The following PELO variants were observed in gnomAD, a reference collection of about 807,000 sequenced individuals.
PELO encodes the protein pelota mRNA surveillance and ribosome rescue factor.
A neutral mutation model predicts 25.9 loss-of-function variants in PELO; 19 were observed. That is an observed-to-expected ratio of 0.73 (90% CI 0.51 to 1.08). PELO has a LOEUF of 1.08. Ranked by LOEUF, PELO falls within the 50% of genes least tolerant of loss-of-function variation. The probability of loss-of-function intolerance (pLI) is 0.00; values close to 1 mark genes in which losing one functional copy is unlikely to be tolerated. For missense variants in PELO, 498 were observed against 491.4 expected (o/e 1.01, Z -0.13); for synonymous variants, 196 against 192.2 (o/e 1.02, Z -0.16).
chr5:52,800,449 G>A lies in PELO; in HGVS notation c.55G>A (p.Val19Ile). The A allele has an allele frequency of 6.2e-7, 1 of 1,614,046 alleles. No individual in the cohort carries two copies. The highest frequency in any genetic ancestry group is 8.5e-7 in the Non-Finnish European group (1 of 1,180,020). ...GGACAATGCGGGCCAGGTGACCCTG[G>A]TCCCCGAGGAGCCTGAGGACATGTG... ...EKDNAGQVTL[V>I]PEEPEDMWHT... The change falls in exon 2 of 3, where the codon GTC (valine) becomes ATC (isoleucine). Residue 19 changes from valine to isoleucine, a missense_variant. Coordinates refer to ENST00000274311, the MANE Select transcript of PELO (RefSeq NM_015946.5).
At position 52,801,475 on chromosome 5, in the gene PELO, C is replaced by T. The variant is rs1224394979; in HGVS notation, c.793C>T (p.Arg265Cys). 1.2e-6 allele frequency: 2 copies of T among 1,613,914 alleles called. No individual in the cohort carries two copies. Among genetic ancestry groups the T allele is most frequent in the Non-Finnish European group, 1.7e-6 (2 of 1,179,906 alleles). The change falls in exon 3 of 3, where the codon CGC (arginine) becomes TGC (cysteine). Residue 265 changes from arginine to cysteine, a missense_variant. By Grantham distance (180) the Arg-to-Cys change is radical. Coordinates refer to ENST00000274311, the MANE Select transcript of PELO (RefSeq NM_015946.5). ...EALCDPTVASRLSDTKAAGEV... is the reference protein window; with the variant it reads ...EALCDPTVASCLSDTKAAGEV... ...CCTTTGTGACCCTACTGTGGCTAGC[C>T]GCCTTTCAGACACTAAAGCTGCTGG...
In PELO at chr5:52,802,859, T is replaced by A. The variant is rs1454401424; in HGVS notation, c.*1019T>A. The A allele has an allele frequency of 6.6e-6, 1 of 152,216 alleles. No individual in the cohort carries two copies. The highest frequency in any genetic ancestry group is 2.4e-5 in the African/African-American group (1 of 41,460). 9.4% of individuals were successfully genotyped at this position (152,216 alleles called of 1,614,324 possible). On this transcript the variant is annotated 3_prime_UTR_variant, in exon 3 of 3. Coordinates refer to ENST00000274311, the MANE Select transcript of PELO (RefSeq NM_015946.5). ...AGTTGACTTAAACTCCAATACTCTT[T>A]ACTATCATTGACTTAAACTCTGATA...
Position 52,793,346 on chromosome 5 carries a change from C to T in PELO, c.-511+4932C>T, listed in dbSNP as rs971887794. On this transcript the variant is annotated intron_variant, in intron 1 of 2. Transcript: ENST00000274311. ...GATCAGATTGTCCCTTTATTATATA[C>T]CTCTGCCTTATTTTATTATACCTCT... Among the ~76,000 whole-genome samples the T allele has an allele frequency of 5.6e-4, 85 of 151,934 alleles. 1 individual carries two copies. The highest frequency in any genetic ancestry group is 2.1e-4 in the South Asian group (1 of 4,818).
chr5:52,790,639 T>C (rs536967731), intron 1 of PELO, among the ~76,000 whole-genome samples: 17 of 152,186 alleles, frequency 1.1e-4, no homozygotes, highest in Non-Finnish European at 1.8e-4. Context: ...TCATCACATC[T>C]CCTTCTCAGA....
chr5:52,803,978 C>T lies in PELO; in HGVS notation c.*2138C>T, dbSNP rs1748541635. On this transcript the variant is annotated 3_prime_UTR_variant, in exon 3 of 3. Coordinates refer to ENST00000274311, the MANE Select transcript of PELO (RefSeq NM_015946.5). ...GGCCATACTCAACTGTCTATAAAAC[C>T]TCTATAAATTTCTGTTTTTATGTCT... The T allele has an allele frequency of 6.6e-6, 1 of 152,014 alleles. No individual in the cohort carries two copies. Among genetic ancestry groups the T allele is most frequent in the East Asian group, 1.9e-4 (1 of 5,200 alleles). The allele number at this position is 152,014 out of a possible 1,614,324, so 9.4% of individuals were successfully genotyped here. A position where few individuals can be genotyped will look rare whatever the true frequency, so the allele number is the denominator to read the frequency against.
intron 1 of PELO, among the ~76,000 whole-genome samples, chr5:52,797,951 A>G (rs1260626240): frequency 6.6e-6 from 1 of 152,210 alleles, no homozygotes; most frequent in Non-Finnish European, 1.5e-5. Context: ...TTGGCAGACT[A>G]TGGGAAAGAT....
chr5:52,790,927 C>A lies in PELO; in HGVS notation c.-511+2513C>A, dbSNP rs539262654. 3.7e-4 allele frequency among the ~76,000 whole-genome samples: 57 copies of A among 152,274 alleles called. No homozygotes were observed. In the South Asian group the frequency reaches 4.8e-3, roughly 13 times the overall value. ...GTTCATTTTGCCACTGAAGATATGA[C>A]CTTGTTTTATACATCGAGAAAAGAA... On this transcript the variant is annotated intron_variant, in intron 1 of 2. Transcript: ENST00000274311.
chr5:52,793,671 C>T (rs1748284863), intron 1 of PELO, among the ~76,000 whole-genome samples: 1 of 151,952 alleles, frequency 6.6e-6, no homozygotes, highest in East Asian at 1.9e-4. Context: ...TATGTGAACC[C>T]CATCTAGATA....
In PELO at chr5:52,800,063, G is replaced by T; in HGVS notation, c.-332G>T. ...CCTTTGGGGACGGGAGACGTGCGTCGGGTCGCGGGACGGGGGCTGCGCATG... is the reference window on the plus strand; with the variant it reads ...CCTTTGGGGACGGGAGACGTGCGTCTGGTCGCGGGACGGGGGCTGCGCATG... On this transcript the variant is annotated 5_prime_UTR_variant, in exon 2 of 3. Coordinates refer to ENST00000274311, the MANE Select transcript of PELO (RefSeq NM_015946.5). The T allele has an allele frequency of 3.1e-6, 1 of 320,138 alleles. No homozygotes were observed. Among genetic ancestry groups the T allele is most frequent in the South Asian group, 3.4e-5 (1 of 29,600 alleles). The allele number at this position is 320,138 out of a possible 1,614,324, so 19.8% of individuals were successfully genotyped here.
intron 1 of PELO, among the ~76,000 whole-genome samples, chr5:52,793,338 A>G (rs1748278402): frequency 6.6e-6 from 1 of 152,026 alleles, no homozygotes; most frequent in Non-Finnish European, 1.5e-5. Context: ...TTGTCCCTTT[A>G]TTATATACCT....
Position 52,800,803 on chromosome 5 carries a change from G to T in PELO, c.409G>T (p.Val137Leu), listed in dbSNP as rs1277438220. The T allele has an allele frequency of 6.2e-7, 1 of 1,612,292 alleles. No homozygotes were observed. Among genetic ancestry groups the T allele is most frequent in the South Asian group, 1.1e-5 (1 of 90,936 alleles). The change falls in exon 2 of 3, where the codon GTG (valine) becomes TTG (leucine). Residue 137 changes from valine to leucine, a missense_variant. By Grantham distance (32) the Val-to-Leu change is conservative (BLOSUM62 1). Coordinates refer to ENST00000274311, the MANE Select transcript of PELO (RefSeq NM_015946.5). ...QACDPAWSADVAAVVMQEGLA... is the reference protein window; with the variant it reads ...QACDPAWSADLAAVVMQEGLA... ...CTGTGACCCAGCCTGGAGCGCTGAT[G>T]TGGCGGCTGTGGTCATGCAGGAAGG... is the stretch of plus-strand genomic sequence containing the variant.
At chr5:52,798,630 T>C (rs969540909) in intron 1 of PELO, among the ~76,000 whole-genome samples, 2 of 152,014 alleles carry the variant, frequency 1.3e-5, no homozygotes, top group African/African-American at 2.4e-5. Context: ...AGGGGGAAAA[T>C]AGTCATTCAT....
At position 52,800,839 on chromosome 5, in the gene PELO, A is replaced by G. The variant is rs772615662; in HGVS notation, c.445A>G (p.Ile149Val). 3.0e-5 allele frequency: 48 copies of G among 1,609,560 alleles called. No individual in the cohort carries two copies. Among genetic ancestry groups the G allele is most frequent in the Middle Eastern group, 1.7e-4 (1 of 6,046 alleles). The change falls in exon 2 of 3, where the codon ATC becomes GTC. Residue 149 changes from isoleucine to valine, a missense_variant. By Grantham distance (29) the Ile-to-Val change is conservative. Transcript: ENST00000274311. ...AVVMQEGLAH[I>V]CLVTPSMTLT... is the part of the protein sequence containing the mutation. ...GGTCATGCAGGAAGGCCTCGCCCATATCTGCTTAGTCACTCCCAGCATGAC... is the reference window on the plus strand; with the variant it reads ...GGTCATGCAGGAAGGCCTCGCCCATGTCTGCTTAGTCACTCCCAGCATGAC...
chr5:52,798,812 C>T (rs551675988), intron 1 of PELO, among the ~76,000 whole-genome samples: 4 of 152,206 alleles, frequency 2.6e-5, no homozygotes, highest in African/African-American at 9.6e-5. Context: ...CATAGAAACA[C>T]TTTATGGTAA....
At chr5:52,795,080 G>A (rs1397682680) in intron 1 of PELO, among the ~76,000 whole-genome samples, 2 of 151,820 alleles carry the variant, frequency 1.3e-5, no homozygotes, top group African/African-American at 4.8e-5. Context: ...AACAGAATGT[G>A]ATTTCCTAAT....
intron 1 of PELO, among the ~76,000 whole-genome samples, chr5:52,791,212 C>G (rs1212466817): frequency 6.6e-6 from 1 of 152,132 alleles, no homozygotes; most frequent in Admixed American, 6.5e-5. Flanking sequence ...TAACTGAAGA[C>G]AGTTTCATAA....
rs1748470824 is a variant in PELO, at chr5:52,801,119, A to C, written c.725A>C (p.Gln242Pro). 6.3e-7 allele frequency: 1 copy of C among 1,594,540 alleles called. No individual in the cohort carries two copies. Among genetic ancestry groups the C allele is most frequent in the Non-Finnish European group, 8.6e-7 (1 of 1,169,262 alleles). The change falls in exon 2 of 3, where the codon CAG becomes CCG. Residue 242 changes from glutamine (Q) to proline (P), a missense_variant and splice_region_variant. By Grantham distance (76) the Gln-to-Pro change is moderately conservative (BLOSUM62 -1). Transcript: ENST00000274311. ...CTGGAAAACCGGTCCAAATTTCTTC[A>C]GGTAAAACAATCTTACCCAGGGATA... The part of the protein sequence containing the change: ...LLLENRSKFL[Q>P]VHASSGHKYS...
chr5:52,800,556 C>A lies in PELO; in HGVS notation c.162C>A (p.Gly54=). ...IRKVQTESST[G]SVGSNRVRTT... ...AGGTACAGACAGAGTCCTCCACGGG[C>A]AGCGTGGGCAGCAACCGGGTCCGCA... Residue 54 remains glycine, a synonymous_variant, in exon 2 of 3, where the codon GGC becomes GGA. Coordinates refer to ENST00000274311, the MANE Select transcript of PELO (RefSeq NM_015946.5). The A allele has an allele frequency of 6.2e-7, 1 of 1,613,604 alleles. No individual in the cohort carries two copies. Among genetic ancestry groups the A allele is most frequent in the Non-Finnish European group, 8.5e-7 (1 of 1,179,692 alleles).
Position 52,802,894 on chromosome 5 carries a change from A to G in PELO, c.*1054A>G, listed in dbSNP as rs971918887. The G allele has an allele frequency of 7.9e-5, 12 of 152,192 alleles. No homozygotes were observed. Among genetic ancestry groups the G allele is most frequent in the Admixed American group, 7.2e-4 (11 of 15,266 alleles). The allele number at this position is 152,192 out of a possible 1,614,324, so 9.4% of individuals were successfully genotyped here. On this transcript the variant is annotated 3_prime_UTR_variant, in exon 3 of 3. Coordinates refer to ENST00000274311, the MANE Select transcript of PELO (RefSeq NM_015946.5). ...GACTTAAACTCTGATACTCTTTACT[A>G]TAATTATGGAATTGTGCAAATACCT...
Sources: allele counts gnomAD v4.1 joint callset (sites outside exome capture counted in the v4.1 genomes callset), GRCh38; gene constraint gnomAD v4.1.1; transcripts MANE v1.5; gene names NCBI Gene and HGNC (gene_info 2026-07-23, HGNC 2026-07-21).